RBM20: variants seen among roughly 807,000 people sequenced by gnomAD.
RBM20 encodes RNA-binding protein 20.
Under a neutral mutation model 110.1 loss-of-function variants are expected in RBM20, and 51 were observed. That is an observed-to-expected ratio of 0.46 (90% CI 0.37 to 0.59). The LOEUF is 0.59. Ranked by LOEUF, RBM20 falls within the 20% of genes least tolerant of loss-of-function variation. The pLI, the probability that RBM20 is intolerant of heterozygous loss-of-function variation, is 0.00. For missense variants in RBM20, 1,512 were observed against 1,574.9 expected (o/e 0.96, Z 0.68); for synonymous variants, 589 against 618.2 (o/e 0.95, Z 0.70).
intron 1 of RBM20, among the ~76,000 whole-genome samples, chr10:110,744,908 G>A (rs10885033): frequency 0.22 from 33,777 of 152,122 alleles, 4,805 homozygotes; most frequent in East Asian, 0.45. Context: ...GTTCAGGACA[G>A]CTGAAGGGAT....
intron 1 of RBM20, among the ~76,000 whole-genome samples, chr10:110,706,525 G>A (rs1217274036): frequency 6.6e-6 from 1 of 152,216 alleles, no homozygotes; most frequent in Non-Finnish European, 1.5e-5. Context: ...AGCATTCATT[G>A]AGTGACTACA....
chr10:110,751,209 G>A (rs894319527), intron 1 of RBM20, among the ~76,000 whole-genome samples: 1 of 152,222 alleles, frequency 6.6e-6, no homozygotes, highest in Non-Finnish European at 1.5e-5. Flanking sequence ...GGATGTCTCT[G>A]TAAAACCTGT....
intron 1 of RBM20, among the ~76,000 whole-genome samples, chr10:110,684,430 A>C (rs1485502456): frequency 6.9e-6 from 1 of 144,780 alleles, no homozygotes; most frequent in Admixed American, 7.0e-5. Context: ...AAAACAAAAG[A>C]AAAAGAAAAA....
intron 1 of RBM20, among the ~76,000 whole-genome samples, chr10:110,743,849 C>T (rs546210456): frequency 6.6e-6 from 1 of 152,310 alleles, no homozygotes; most frequent in East Asian, 1.9e-4. Context: ...CTGCTGACCT[C>T]AGGTGATCCG....
At chr10:110,703,906 G>A (rs1250233849) in intron 1 of RBM20, among the ~76,000 whole-genome samples, 1 of 152,226 alleles carries the variant, frequency 6.6e-6, no homozygotes, top group African/African-American at 2.4e-5. Context: ...GAGGCCAGGA[G>A]TTCGAGACCA....
At chr10:110,683,070 T>C (rs1862445874) in intron 1 of RBM20, among the ~76,000 whole-genome samples, 1 of 150,262 alleles carries the variant, frequency 6.7e-6, no homozygotes, top group African/African-American at 2.5e-5. Flanking sequence ...TTGATCACAA[T>C]TTTTGATTGT....
chr10:110,775,704 G>A (rs2135031534), intron 1 of RBM20, among the ~76,000 whole-genome samples: 1 of 152,348 alleles, frequency 6.6e-6, no homozygotes, highest in East Asian at 1.9e-4. Context: ...CACTCCTGCA[G>A]AGGAAACTGG....
In RBM20 at chr10:110,739,801, G is replaced by A. The variant is rs971671832; in HGVS notation, c.192-41000G>A. The stretch of plus-strand genomic sequence containing the variant: ...CCAGCAGTTCAAATCCCTGGCCTGA[G>A]TATTGGGTGATTGTTGCGGTCATGA... On this transcript the variant is annotated intron_variant, in intron 1 of 13. Transcript: ENST00000369519. This position sits in a 1 kb window ranked among gnomAD's most constrained non-coding sequence, Gnocchi z 4.1. Among the ~76,000 whole-genome samples, 5 of 152,236 alleles carry A rather than the reference G, an allele frequency of 3.3e-5. No homozygotes were observed. The highest frequency in any genetic ancestry group is 1.2e-4 in the African/African-American group (5 of 41,454).
intron 13 of RBM20, among the ~76,000 whole-genome samples, chr10:110,834,683 C>T (rs1327391362): frequency 6.6e-6 from 1 of 152,224 alleles, no homozygotes. Flanking sequence ...TATTTGATAA[C>T]TCGCCTGCTG....
intron 1 of RBM20, among the ~76,000 whole-genome samples, chr10:110,720,677 C>T (rs1336730910): frequency 2.2e-5 from 2 of 89,334 alleles, no homozygotes; most frequent in Non-Finnish European, 4.3e-5. Flanking sequence ...TAACCCTCAT[C>T]CTTGCAGTGT....
At chr10:110,707,728 G>A (rs1250588586) in intron 1 of RBM20, among the ~76,000 whole-genome samples, 1 of 152,168 alleles carries the variant, frequency 6.6e-6, no homozygotes, top group Non-Finnish European at 1.5e-5. Flanking sequence ...AACTCATAGA[G>A]AGTAAAATGA....
Position 110,836,321 on chromosome 10 carries a change from A to C in RBM20, c.*343A>C. 6.0e-6 allele frequency: 1 copy of C among 167,058 alleles called. No individual in the cohort carries two copies. 10.3% of individuals were successfully genotyped at this position (167,058 alleles called of 1,614,324 possible). ...GATCGTTTCCTTTTCACAAAACCCAACTTCTCAGGGATTTTCACAGTGTTT... is the reference window on the plus strand; with the variant it reads ...GATCGTTTCCTTTTCACAAAACCCACCTTCTCAGGGATTTTCACAGTGTTT... On this transcript the variant is annotated 3_prime_UTR_variant, in exon 14 of 14. Transcript: ENST00000369519.
chr10:110,759,025 T>C (rs1159581564), intron 1 of RBM20, among the ~76,000 whole-genome samples: 1 of 152,264 alleles, frequency 6.6e-6, no homozygotes, highest in Non-Finnish European at 1.5e-5. Context: ...TTAAAATCCC[T>C]GCTCAACAAA....
intron 1 of RBM20, among the ~76,000 whole-genome samples, chr10:110,745,801 G>A (rs947285336): frequency 5.3e-5 from 8 of 152,120 alleles, no homozygotes; most frequent in East Asian, 1.9e-4. Flanking sequence ...AAAGTATGCC[G>A]TATATTCAAA....
chr10:110,678,477 G>A (rs979843172), intron 1 of RBM20, among the ~76,000 whole-genome samples: 4 of 152,174 alleles, frequency 2.6e-5, no homozygotes, highest in African/African-American at 7.2e-5. Flanking sequence ...CTGAGTTAAG[G>A]ACACCCATGG....
chr10:110,808,913 T>G (rs1844728046), intron 7 of RBM20, among the ~76,000 whole-genome samples: 1 of 152,188 alleles, frequency 6.6e-6, no homozygotes, highest in South Asian at 2.1e-4. Flanking sequence ...AACATTTGTA[T>G]GGCTCTTATT....
intron 13 of RBM20, 194 bp from the exon 14 acceptor site, chr10:110,835,674 G>A (rs957500197): frequency 4.1e-6 from 2 of 482,674 alleles, no homozygotes. Context: ...TGTATTACTT[G>A]CAAGCTAACA....
At chr10:110,656,226 C>T (rs1162759532) in intron 1 of RBM20, among the ~76,000 whole-genome samples, 2 of 151,988 alleles carry the variant, frequency 1.3e-5, no homozygotes, top group African/African-American at 2.4e-5. Context: ...CGTTTGAACT[C>T]GGGAGGCAGA....
chr10:110,798,490 T>G (rs1844579935), intron 6 of RBM20, among the ~76,000 whole-genome samples: 1 of 152,208 alleles, frequency 6.6e-6, no homozygotes, highest in Non-Finnish European at 1.5e-5. Context: ...ATTCAGCTTG[T>G]AACATTGATG....
Sources: gnomAD v4.1 joint callset for allele counts (sites outside exome capture counted in the v4.1 genomes callset) on GRCh38, gnomAD v4.1.1 for gene constraint, Gnocchi (gnomAD v3.1) non-coding constraint, MANE v1.5 for transcripts, NCBI Gene and HGNC (gene_info 2026-07-23, HGNC 2026-07-21) for gene names.